SMURF2: variants seen among roughly 807,000 people sequenced by gnomAD.
The protein encoded by SMURF2 is SMAD specific E3 ubiquitin protein ligase 2.
In SMURF2, 48 loss-of-function variants were observed where a neutral mutation model predicts 109.6. The observed-to-expected ratio is 0.44, with a 90% CI of 0.35 to 0.56. The LOEUF (loss-of-function observed/expected upper bound fraction) is 0.56, where lower values mean the gene tolerates loss of function less well. SMURF2 is among the 20% of genes least tolerant of loss of function. The pLI, the probability that SMURF2 is intolerant of heterozygous loss-of-function variation, is 0.01. For synonymous variants in SMURF2, 288 were observed against 317.1 expected (o/e 0.91, Z 0.97); for missense variants, 575 against 909.0 (o/e 0.63, Z 4.72).
intron 1 of SMURF2, among the ~76,000 whole-genome samples, chr17:64,612,846 A>G (rs1215417489): frequency 2.0e-5 from 3 of 152,238 alleles, no homozygotes; most frequent in Admixed American, 2.0e-4. Flanking sequence ...TCAAGTTCAA[A>G]GCTTATGAGG....
At position 64,583,461 on chromosome 17, in the gene SMURF2, C is replaced by T. The variant is rs1397410994; in HGVS notation, c.569G>A (p.Arg190Gln). ...TRTTQWERPTRPASEYSSPGR... is the reference protein window; with the variant it reads ...TRTTQWERPTQPASEYSSPGR... ...TGAGAAAATATTTGTATGTTCTTAC[C>T]GTGTTGGGCGCTCCCATTGCGTAGT... Residue 190 changes from arginine to glutamine, a missense_variant and splice_region_variant, in exon 7 of 19, where the codon CGA becomes CAA. Around this residue, in one of 5 missense-constraint regions of SMURF2, gnomAD observed 151 missense variants for 178.4 expected, o/e 0.85. Transcript: ENST00000262435. The T allele has an allele frequency of 2.0e-5, 33 of 1,611,128 alleles. No individual in the cohort carries two copies. The East Asian group carries it at 6.0e-4, about 29-fold the overall frequency.
chr17:64,607,971 C>G (rs1969992779), intron 1 of SMURF2, among the ~76,000 whole-genome samples: 1 of 148,512 alleles, frequency 6.7e-6, no homozygotes, highest in East Asian at 2.0e-4. Flanking sequence ...TGAACTCCAG[C>G]CTGGGCGACA....
At chr17:64,552,623 T>A (rs1163818471) in intron 15 of SMURF2, among the ~76,000 whole-genome samples, 5 of 152,194 alleles carry the variant, frequency 3.3e-5, no homozygotes, top group African/African-American at 4.8e-5. Flanking sequence ...AAGAGTGGGA[T>A]CCAGGGACTG....
intron 10 of SMURF2, among the ~76,000 whole-genome samples, chr17:64,567,066 C>T (rs1264478340): frequency 1.3e-5 from 2 of 151,686 alleles, no homozygotes; most frequent in African/African-American, 4.8e-5. Flanking sequence ...TCATGTTGGC[C>T]AGGCTGATCT....
chr17:64,603,908 T>C (rs1358818769), intron 2 of SMURF2, among the ~76,000 whole-genome samples: 1 of 152,240 alleles, frequency 6.6e-6, no homozygotes, highest in Non-Finnish European at 1.5e-5. Flanking sequence ...TATATATCTA[T>C]TTCATCACCC....
chr17:64,585,196 G>A (rs1476018021), intron 6 of SMURF2, among the ~76,000 whole-genome samples: 2 of 152,084 alleles, frequency 1.3e-5, no homozygotes, highest in African/African-American at 4.8e-5. Flanking sequence ...AATAAAATCA[G>A]AAAAGAGTTA....
intron 1 of SMURF2, among the ~76,000 whole-genome samples, chr17:64,613,670 A>T (rs1555689771): frequency 1.3e-5 from 1 of 76,916 alleles, no homozygotes. Context: ...TTTTCCACGG[A>T]CCAGTGTGTG....
intron 1 of SMURF2, among the ~76,000 whole-genome samples, chr17:64,614,076 C>T (rs1279266604): frequency 6.6e-6 from 1 of 152,046 alleles, no homozygotes; most frequent in African/African-American, 2.4e-5. Context: ...AGGCTGAGCT[C>T]AGGTGGTAAT....
chr17:64,617,978 G>A (rs1457705806), intron 1 of SMURF2, among the ~76,000 whole-genome samples: 1 of 152,068 alleles, frequency 6.6e-6, no homozygotes, highest in Non-Finnish European at 1.5e-5. Flanking sequence ...GATCTACTTT[G>A]ACATAATAAA....
At chr17:64,572,168 T>A (rs1178511938) in intron 9 of SMURF2, among the ~76,000 whole-genome samples, 7 of 152,180 alleles carry the variant, frequency 4.6e-5, no homozygotes, top group African/African-American at 1.7e-4. Flanking sequence ...ACTTATCACA[T>A]AGCCTACATT....
chr17:64,576,873 CTTTTTTTTTTTTT>C (rs782057854), intron 9 of SMURF2, among the ~76,000 whole-genome samples: 111 of 81,508 alleles, frequency 1.4e-3, no homozygotes, highest in Middle Eastern at 7.5e-3. Context: ...TTTTTCTATC[CTTTTTTTTTTTTT>C]TTTTTTTTTT....
intron 1 of SMURF2, among the ~76,000 whole-genome samples, chr17:64,631,281 GGAGAGAGAGAGAGAGAGAGAGAGA>G (rs1468147317): frequency 2.0e-3 from 9 of 4,412 alleles, no homozygotes; most frequent in African/African-American, 6.5e-3. Context: ...AGGGGGGGGG[GGAGAGAGAGAGAGAGAGAGAGAGA>G]GAGAGAGAGA....
At chr17:64,660,337 A>G (rs1970757899) in intron 1 of SMURF2, among the ~76,000 whole-genome samples, 2 of 152,150 alleles carry the variant, frequency 1.3e-5, no homozygotes, top group African/African-American at 4.8e-5. Flanking sequence ...CTAAAGCAAC[A>G]AAGATCCCCT....
chr17:64,649,848 ATAAAATATTGAAAATATTTGAT>A (rs1159264545), intron 1 of SMURF2, among the ~76,000 whole-genome samples: 6 of 152,206 alleles, frequency 3.9e-5, no homozygotes, highest in South Asian at 2.1e-4. Flanking sequence ...CATCTCAAAA[ATAAAATATTGAAAATATTTGAT>A]TAAAATATTG....
rs781852372 is a variant in SMURF2, at chr17:64,555,903, A to G, written c.1527T>C (p.Tyr509=). Residue 509 remains tyrosine (Y), a synonymous_variant, in exon 14 of 19, where the codon TAT becomes TAC. Coordinates refer to ENST00000262435, the MANE Select transcript of SMURF2 (RefSeq NM_022739.4). The part of the protein sequence containing the change: ...YIDGGFTLPF[Y]KQLLGKSITL... ...TAATTGACTTCCCAAGCAATTGCTTATAAAAAGGCAATGTGAAACCACCAT... is the reference window on the plus strand; with the variant it reads ...TAATTGACTTCCCAAGCAATTGCTTGTAAAAAGGCAATGTGAAACCACCAT... 33 of 1,613,506 alleles carry G rather than the reference A, an allele frequency of 2.0e-5. No homozygotes were observed. The highest frequency in any genetic ancestry group is 2.6e-5 in the Non-Finnish European group (31 of 1,179,636).
intron 10 of SMURF2, among the ~76,000 whole-genome samples, chr17:64,563,769 A>G (rs1405148525): frequency 2.0e-5 from 3 of 152,160 alleles, no homozygotes; most frequent in African/African-American, 7.2e-5. Context: ...TAAACAGAAC[A>G]TCCATTTTTA....
intron 15 of SMURF2, among the ~76,000 whole-genome samples, chr17:64,552,531 T>G (rs1258975259): frequency 6.6e-6 from 1 of 152,198 alleles, no homozygotes; most frequent in Admixed American, 6.5e-5. Flanking sequence ...TGTGTAACTG[T>G]AAAAGTTTTT....
chr17:64,579,688 C>A (rs1226210180), intron 8 of SMURF2, among the ~76,000 whole-genome samples: 4 of 152,266 alleles, frequency 2.6e-5, no homozygotes, highest in Non-Finnish European at 4.4e-5. Context: ...AGACACTGTG[C>A]CAGCATTTCA....
At position 64,544,058 on chromosome 17, in the gene SMURF2, C is replaced by T. The variant is rs1457000959; in HGVS notation, c.*1790G>A. 6.6e-6 allele frequency: 1 copy of T among 152,202 alleles called. No individual in the cohort carries two copies. The highest frequency in any genetic ancestry group is 1.5e-5 in the Non-Finnish European group (1 of 68,038). The allele number at this position is 152,202 out of a possible 1,614,324, so 9.4% of individuals were successfully genotyped here. A position where few individuals can be genotyped will look rare whatever the true frequency, so the allele number is the denominator to read the frequency against. On this transcript the variant is annotated 3_prime_UTR_variant, in exon 19 of 19. Coordinates refer to ENST00000262435, the MANE Select transcript of SMURF2 (RefSeq NM_022739.4). ...TACATTAAAATACTTAAAAACTACA[C>T]AAGTAGTTCTCAACTTTTTTAAAGC...
Sources: gnomAD v4.1 joint callset for allele counts (sites outside exome capture counted in the v4.1 genomes callset) on GRCh38, gnomAD v4.1.1 for gene constraint, gnomAD v4.1.1 regional missense constraint, MANE v1.5 for transcripts, NCBI Gene and HGNC (gene_info 2026-07-23, HGNC 2026-07-21) for gene names.